Variants in CLIP4 observed in about 807,000 individuals in gnomAD.
CLIP4 encodes the protein CAP-Gly domain containing linker protein family member 4, also known as CAP-Gly domain-containing linker protein 4.
A neutral mutation model predicts 73.1 loss-of-function variants in CLIP4; 47 were observed. The observed-to-expected ratio is 0.64, with a 90% CI of 0.51 to 0.82. The LOEUF (loss-of-function observed/expected upper bound fraction) is 0.82, where lower values mean the gene tolerates loss of function less well. Ranked by LOEUF, CLIP4 falls within the 40% of genes least tolerant of loss-of-function variation. The probability of loss-of-function intolerance (pLI) is 0.00; values close to 1 mark genes in which losing one functional copy is unlikely to be tolerated. For missense variants in CLIP4, 874 were observed against 852.9 expected (o/e 1.02, Z -0.31); for synonymous variants, 306 against 295.4 (o/e 1.04, Z -0.37).
At chr2:29,169,329 CTGTGTGTGTGTGTGTGTGTGTGTG>C (rs70958249) in intron 14 of CLIP4, among the ~76,000 whole-genome samples, 31 of 140,424 alleles carry the variant, frequency 2.2e-4, no homozygotes, top group African/African-American at 5.2e-4. Context: ...GTCTTTTTCA[CTGTGTGTGTGTGTGTGTGTGTGTG>C]TGTGTGTGTG....
At chr2:29,154,810 C>G (rs1042401621) in intron 9 of CLIP4, among the ~76,000 whole-genome samples, 5 of 152,156 alleles carry the variant, frequency 3.3e-5, no homozygotes, top group African/African-American at 1.2e-4. Context: ...GAGACAAATT[C>G]AAACAGCATT....
chr2:29,171,680 G>A (rs570515293), intron 14 of CLIP4, among the ~76,000 whole-genome samples: 6 of 151,886 alleles, frequency 4.0e-5, no homozygotes, highest in African/African-American at 1.4e-4. Flanking sequence ...CACCACGCCC[G>A]GCTAATATTT....
At chr2:29,160,835 T>C (rs192962177) in intron 12 of CLIP4, among the ~76,000 whole-genome samples, 160 of 152,336 alleles carry the variant, frequency 1.1e-3, no homozygotes, top group African/African-American at 3.7e-3. Context: ...TTGTATACCT[T>C]TTTAAAAGAG....
intron 8 of CLIP4, among the ~76,000 whole-genome samples, chr2:29,146,056 A>T (rs924665599): frequency 1.3e-5 from 2 of 152,166 alleles, no homozygotes; most frequent in African/African-American, 4.8e-5. Context: ...AGGGCATCTG[A>T]TGGAATTGTC....
chr2:29,139,472 G>C (rs565034307), intron 6 of CLIP4, among the ~76,000 whole-genome samples: 1 of 152,174 alleles, frequency 6.6e-6, no homozygotes, highest in South Asian at 2.1e-4. Context: ...CCAGATTTTG[G>C]TATCAAGATG....
At chr2:29,128,153 C>T (rs1664735464) in intron 2 of CLIP4, among the ~76,000 whole-genome samples, 1 of 151,290 alleles carries the variant, frequency 6.6e-6, no homozygotes, top group Admixed American at 6.6e-5. Context: ...ACAATGCTTC[C>T]CATGCAAAGA....
At chr2:29,147,380 T>A (rs1252851970) in intron 8 of CLIP4, among the ~76,000 whole-genome samples, 3 of 152,176 alleles carry the variant, frequency 2.0e-5, no homozygotes, top group African/African-American at 7.2e-5. Flanking sequence ...TTATTATGGA[T>A]ATTTTGTCTA....
chr2:29,156,629 G>A (rs1345343430), intron 10 of CLIP4, among the ~76,000 whole-genome samples, 186 bp downstream of exon 10: 3 of 152,194 alleles, frequency 2.0e-5, no homozygotes, highest in Non-Finnish European at 4.4e-5. Context: ...TTTTTTGTGT[G>A]TAAAGTACTG....
intron 3 of CLIP4, chr2:29,131,903 T>C (rs1026311084): frequency 2.2e-6 from 1 of 444,638 alleles, no homozygotes; most frequent in South Asian, 4.6e-5. Flanking sequence ...GAGGAACATA[T>C]TTGGAGTGCC....
At chr2:29,145,151 T>A in intron 7 of CLIP4, 81 bp from the exon 8 acceptor site, 1 of 1,230,408 alleles carries the variant, frequency 8.1e-7, no homozygotes, top group East Asian at 2.5e-5. Flanking sequence ...AAAACTCCCA[T>A]GGTGAAGTAA....
chr2:29,124,481 G>C (rs1187456084), intron 2 of CLIP4, among the ~76,000 whole-genome samples: 1 of 152,004 alleles, frequency 6.6e-6, no homozygotes, highest in African/African-American at 2.4e-5. Flanking sequence ...TGAGCTGCTT[G>C]GATCTGAGTT....
At position 29,133,782 on chromosome 2, in the gene CLIP4, T is replaced by C. The variant is rs1406868876; in HGVS notation, c.495T>C (p.Leu165=). 6.2e-7 allele frequency: 1 copy of C among 1,608,482 alleles called. No homozygotes were observed. The highest frequency in any genetic ancestry group is 8.5e-7 in the Non-Finnish European group (1 of 1,178,544). ...HYAAYFDVPE[L]IRVILKTSKP... ...CTGCTTATTTTGATGTCCCTGAACT[T>C]ATAAGAGTGATTTTGAAAACATCGA... Residue 165 remains leucine, a synonymous_variant, in exon 5 of 16, where the codon CTT becomes CTC. Transcript: ENST00000320081.
rs547516138 is a variant in CLIP4, at chr2:29,164,817, A to G, written c.1658+863A>G. On this transcript the variant is annotated intron_variant, in intron 13 of 15. Transcript: ENST00000320081. ...TTTCTTTTTCTGAGTGAATCATTAC[A>G]TATTTGTTTAGTATTAATTTCCTTC... Among the ~76,000 whole-genome samples, 86 of 152,286 alleles carry G rather than the reference A, an allele frequency of 5.6e-4. 2 individuals are homozygous for G. The highest frequency in any genetic ancestry group is 2.5e-4 in the Non-Finnish European group (17 of 68,014).
At chr2:29,132,946 G>A (rs909816258) in intron 4 of CLIP4, among the ~76,000 whole-genome samples, 1 of 152,148 alleles carries the variant, frequency 6.6e-6, no homozygotes, top group Non-Finnish European at 1.5e-5. Flanking sequence ...CCAACACTTT[G>A]GGAGGCCCAG....
At chr2:29,109,157 G>C (rs2148440201) in intron 1 of CLIP4, among the ~76,000 whole-genome samples, 1 of 152,278 alleles carries the variant, frequency 6.6e-6, no homozygotes, top group East Asian at 1.9e-4. Flanking sequence ...CAAGTGCTGG[G>C]GAGATTGTTG....
intron 1 of CLIP4, among the ~76,000 whole-genome samples, chr2:29,102,862 C>T (rs1668091282): frequency 6.6e-6 from 1 of 152,160 alleles, no homozygotes; most frequent in Non-Finnish European, 1.5e-5. Flanking sequence ...AAGTGATCTG[C>T]CCACCTCGGC....
In CLIP4 at chr2:29,156,889, A is replaced by G. The variant is rs1025965840; in HGVS notation, c.1256-315A>G. Among the ~76,000 whole-genome samples, 6 of 151,838 alleles carry G rather than the reference A, an allele frequency of 4.0e-5. No individual in the cohort carries two copies. In the East Asian group the frequency reaches 9.6e-4, roughly 24 times the overall value. ...TTTTTGTATAAAAGGGGACTCTACT[A>G]TGTCATCTAAGGTGAGAGGTGACTG... On this transcript the variant is annotated intron_variant, in intron 10 of 15. Coordinates refer to ENST00000320081, the MANE Select transcript of CLIP4 (RefSeq NM_024692.6).
intron 14 of CLIP4, 41 bp from the exon 15 acceptor site, chr2:29,174,332 G>A: frequency 6.9e-7 from 1 of 1,455,632 alleles, no homozygotes; most frequent in Non-Finnish European, 9.5e-7. Context: ...AGGACTGAAA[G>A]CTTATATTTT....
rs751811566 is a variant in CLIP4 at position 29,121,558 on chromosome 2, G to A, written c.133+37G>A. 2.5e-6 allele frequency: 4 copies of A among 1,604,846 alleles called. No individual in the cohort carries two copies. The South Asian group carries it at 4.5e-5, about 18-fold the overall frequency. On this transcript the variant is annotated intron_variant, in intron 2 of 15. Transcript: ENST00000320081. ...AGCTGTGCTTATTTTCTGTGAACTGGTAACTTGACTTCTCTGTTACGCCTT... is the reference window on the plus strand; with the variant it reads ...AGCTGTGCTTATTTTCTGTGAACTGATAACTTGACTTCTCTGTTACGCCTT...
Sources: allele counts gnomAD v4.1 joint callset (sites outside exome capture counted in the v4.1 genomes callset), GRCh38; gene constraint gnomAD v4.1.1; transcripts MANE v1.5; gene names NCBI Gene and HGNC (gene_info 2026-07-23, HGNC 2026-07-21).